Variants in LCORL observed in about 807,000 individuals in gnomAD.
The protein encoded by LCORL is ligand-dependent nuclear receptor corepressor-like protein.
In LCORL, 41 loss-of-function variants were observed where a neutral mutation model predicts 141.8. The ratio of observed to expected loss-of-function variants is 0.29; its 90% CI spans 0.23 to 0.38. LCORL has a LOEUF of 0.38. Among genes scored for constraint, LCORL ranks in the 10% least tolerant of loss-of-function variants. LCORL has a pLI of 1.00. For missense variants in LCORL, 1,759 were observed against 2,035.0 expected (o/e 0.86, Z 2.61); for synonymous variants, 618 against 694.1 (o/e 0.89, Z 1.72).
chr4:17,841,613 A>G (rs1489717474), exon 8 of LCORL: 1 of 151,896 alleles, frequency 6.6e-6, no homozygotes, highest in Admixed American at 6.6e-5. Flanking sequence ...TTTTTGTGGT[A>G]TATCACACCA....
chr4:17,907,475 A>C (rs1370454974), intron 5 of LCORL, among the ~76,000 whole-genome samples: 2 of 152,212 alleles, frequency 1.3e-5, no homozygotes, highest in Non-Finnish European at 2.9e-5. Context: ...CACATACCAA[A>C]GCCTATGTTC....
chr4:17,869,790 T>C (rs189394486), intron 7 of LCORL, among the ~76,000 whole-genome samples: 95 of 152,252 alleles, frequency 6.2e-4, no homozygotes, highest in African/African-American at 2.2e-3. Context: ...CCTAACATCC[T>C]TTCTTGGATA....
chr4:18,020,587 C>G (rs1235829916), intron 1 of LCORL: 2 of 149,278 alleles, frequency 1.3e-5, no homozygotes, highest in Non-Finnish European at 3.0e-5. Flanking sequence ...AAAAAAAAAG[C>G]GACTGCAGCA....
Position 17,874,143 on chromosome 4 carries a change from T to C in LCORL, c.4847A>G (p.His1616Arg), listed in dbSNP as rs73242124. ...TTTAGAGTTCCAGTCAACTGTTCCATGGTTGTGCAGCTTTCCCTCTCTTTT... is the reference window on the plus strand; with the variant it reads ...TTTAGAGTTCCAGTCAACTGTTCCACGGTTGTGCAGCTTTCCCTCTCTTTT... The change falls in exon 7 of 8, where the codon CAT becomes CGT. Residue 1616 changes from histidine (H) to arginine (R), a missense_variant. Coordinates refer to ENST00000635767, the Ensembl canonical transcript of LCORL. 8.5e-3 allele frequency: 10,500 copies of C among 1,233,938 alleles called. 71 individuals are homozygous for C. Among genetic ancestry groups the C allele is most frequent in the Non-Finnish European group, 0.01 (9,991 of 987,882 alleles). The allele number at this position is 1,233,938 out of a possible 1,614,324, so 76.4% of individuals were successfully genotyped here.
intron 4 of LCORL, chr4:17,912,015 G>A (rs1267828932): frequency 1.5e-6 from 1 of 651,466 alleles, no homozygotes; most frequent in East Asian, 3.3e-5. Context: ...CCAAGAACTA[G>A]AAGTTAGAGA....
intron 1 of LCORL, among the ~76,000 whole-genome samples, chr4:18,008,037 G>A (rs751745364): frequency 2.1e-4 from 32 of 152,252 alleles, no homozygotes; most frequent in Non-Finnish European, 3.1e-4. Context: ...ACAAGGAAAG[G>A]AAGGTTAAAA....
intron 5 of LCORL, among the ~76,000 whole-genome samples, chr4:17,893,949 C>A (rs916328529): frequency 6.6e-6 from 1 of 152,108 alleles, no homozygotes; most frequent in African/African-American, 2.4e-5. Flanking sequence ...CAGGTGTGCG[C>A]CACCATGCCT....
chr4:17,865,657 T>A (rs1417691338), intron 7 of LCORL, among the ~76,000 whole-genome samples: 1 of 152,216 alleles, frequency 6.6e-6, no homozygotes, highest in Admixed American at 6.5e-5. Context: ...TAGTAAATAA[T>A]CTTCCTTCTA....
intron 1 of LCORL, among the ~76,000 whole-genome samples, chr4:18,004,313 T>C (rs990062480): frequency 1.3e-5 from 2 of 152,220 alleles, no homozygotes; most frequent in African/African-American, 4.8e-5. Context: ...TATCCAAGAC[T>C]GGGCAATTTA....
intron 1 of LCORL, among the ~76,000 whole-genome samples, chr4:18,008,539 G>C (rs1411192236): frequency 6.6e-6 from 1 of 152,190 alleles, no homozygotes; most frequent in Non-Finnish European, 1.5e-5. Flanking sequence ...GACTGGATGT[G>C]AATTCTACTT....
chr4:17,987,067 CT>C (rs1308332421), intron 1 of LCORL, among the ~76,000 whole-genome samples: 1 of 151,880 alleles, frequency 6.6e-6, no homozygotes, highest in East Asian at 1.9e-4. Flanking sequence ...ACATGTGGTT[CT>C]TTAATATAGT....
At chr4:17,987,173 T>C (rs1020717594) in intron 1 of LCORL, among the ~76,000 whole-genome samples, 1 of 152,218 alleles carries the variant, frequency 6.6e-6, no homozygotes, top group Non-Finnish European at 1.5e-5. Context: ...TTATTACTCA[T>C]GAAGTCTCAA....
intron 1 of LCORL, among the ~76,000 whole-genome samples, chr4:17,989,984 C>T (rs1719670711): frequency 6.6e-6 from 1 of 151,618 alleles, no homozygotes; most frequent in Non-Finnish European, 1.5e-5. Context: ...CTAGAGGCCA[C>T]ATTTATTACT....
intron 4 of LCORL, among the ~76,000 whole-genome samples, chr4:17,938,674 A>G (rs1377725194): frequency 1.3e-5 from 2 of 152,056 alleles, no homozygotes; most frequent in Non-Finnish European, 2.9e-5. Flanking sequence ...CAGCCTCCCA[A>G]AGTGCTGGGA....
intron 4 of LCORL, among the ~76,000 whole-genome samples, chr4:17,910,106 G>T (rs1470818913): frequency 3.9e-5 from 6 of 152,100 alleles, no homozygotes; most frequent in African/African-American, 1.4e-4. Flanking sequence ...AAAACATTTT[G>T]ATCAAGTACA....
chr4:18,014,310 G>GA (rs1445035721), intron 1 of LCORL, among the ~76,000 whole-genome samples: 1 of 151,864 alleles, frequency 6.6e-6, no homozygotes, highest in Admixed American at 6.6e-5. Flanking sequence ...TTTATTTCAT[G>GA]AAAAAAAGAC....
intron 1 of LCORL, among the ~76,000 whole-genome samples, chr4:17,986,665 C>A (rs1432397363): frequency 2.6e-5 from 4 of 151,978 alleles, no homozygotes; most frequent in Non-Finnish European, 5.9e-5. Context: ...CTGTCAGCTC[C>A]CGTATCATTT....
chr4:17,894,824 T>G (rs78553407), intron 5 of LCORL, among the ~76,000 whole-genome samples: 2 of 152,042 alleles, frequency 1.3e-5, no homozygotes, highest in Non-Finnish European at 2.9e-5. Flanking sequence ...GAACCAGCGG[T>G]CTAATAATTG....
Position 17,857,414 on chromosome 4 carries a change from A to G in LCORL, c.5603-11513T>C, listed in dbSNP as rs1016014170. 9.8e-5 allele frequency among the ~76,000 whole-genome samples: 15 copies of G among 152,330 alleles called. No individual in the cohort carries two copies. In the East Asian group the frequency reaches 2.1e-3, roughly 22 times the overall value. On this transcript the variant is annotated intron_variant, in intron 7 of 7. Coordinates refer to ENST00000635767, the Ensembl canonical transcript of LCORL. ...ACCAGGTAATAATTTTCTGGAGGCT[A>G]TATATAGCTGGATATAATTGACCTT...
Sources: allele counts gnomAD v4.1 joint callset (sites outside exome capture counted in the v4.1 genomes callset), GRCh38; gene constraint gnomAD v4.1.1; transcripts MANE v1.5; gene names NCBI Gene and HGNC (gene_info 2026-07-23, HGNC 2026-07-21).